SMU1: variants seen among roughly 807,000 people sequenced by gnomAD.
SMU1 encodes SMU1 DNA replication regulator and spliceosomal factor.
SMU1 carries 2 observed loss-of-function variants against 62.0 expected under a neutral mutation model. The observed-to-expected ratio is 0.03, with a 90% CI of 0.01 to 0.10. The LOEUF (loss-of-function observed/expected upper bound fraction) is 0.10. SMU1 is among the 10% of genes least tolerant of loss of function. The pLI is 1.00. For synonymous variants in SMU1, 188 were observed against 212.4 expected, an observed-to-expected ratio of 0.89 and a Z score of 1.00; for missense variants, 227 against 622.1, an observed-to-expected ratio of 0.36 and a Z score of 6.76.
At chr9:33,053,559 A>G (rs553620138) in intron 9 of SMU1, among the ~76,000 whole-genome samples, 1 of 152,330 alleles carries the variant, frequency 6.6e-6, no homozygotes, top group South Asian at 2.1e-4. Context: ...GTATTTGCAT[A>G]TAACCTATGC....
Position 33,076,668 on chromosome 9 carries a change from C to T in SMU1, c.-60G>A. 7 of 1,611,802 alleles carry T rather than the reference C, an allele frequency of 4.3e-6. No individual in the cohort carries two copies. Among genetic ancestry groups the T allele is most frequent in the South Asian group, 3.3e-5 (3 of 91,064 alleles). ...CCTCAAGGCCAGTCGCGCAACACAC[C>T]AACGACACCTCCGGCGGACACCTAA... is the stretch of plus-strand genomic sequence containing the variant. On this transcript the variant is annotated 5_prime_UTR_variant, in exon 1 of 12. Coordinates refer to ENST00000397149, the MANE Select transcript of SMU1 (RefSeq NM_018225.3).
At chr9:33,069,780 A>G (rs1839466280) in intron 3 of SMU1, among the ~76,000 whole-genome samples, 1 of 151,010 alleles carries the variant, frequency 6.6e-6, no homozygotes, top group Admixed American at 6.6e-5. Context: ...CCAGCCGGGG[A>G]GACAACAGCA....
chr9:33,050,767 A>G (rs931298688), intron 10 of SMU1, among the ~76,000 whole-genome samples: 9 of 151,512 alleles, frequency 5.9e-5, no homozygotes, highest in African/African-American at 2.2e-4. Flanking sequence ...CGGAGGTTGC[A>G]GTGAGCTGAG....
chr9:33,050,840 G>GCTATCAAACCAT, intron 10 of SMU1, among the ~76,000 whole-genome samples: 1 of 60,270 alleles, frequency 1.7e-5, no homozygotes, highest in Non-Finnish European at 4.0e-5. Flanking sequence ...AAAAAAATAA[G>GCTATCAAACCAT]GCCGGGCGCG....
chr9:33,046,458 T>C lies in SMU1; in HGVS notation c.*835A>G, dbSNP rs1839185348. ...TCCCAGGAATTCACTTCTGCTGTAC[T>C]TGAGATTCAGGGATAATAATGTGAC... On this transcript the variant is annotated 3_prime_UTR_variant, in exon 12 of 12. Transcript: ENST00000397149. 1 of 152,122 alleles carries C rather than the reference T, an allele frequency of 6.6e-6. No individual in the cohort carries two copies. The highest frequency in any genetic ancestry group is 1.5e-5 in the Non-Finnish European group (1 of 68,028). 9.4% of individuals were successfully genotyped at this position (152,122 alleles called of 1,614,324 possible).
chr9:33,060,708 A>C, intron 5 of SMU1, 124 bp from the exon 6 acceptor site: 7 of 1,183,922 alleles, frequency 5.9e-6, no homozygotes, highest in Non-Finnish European at 7.1e-6. Context: ...ATTATAGAGT[A>C]TTGGAGGGGT....
intron 8 of SMU1, among the ~76,000 whole-genome samples, chr9:33,056,597 CTG>C (rs2119431100): frequency 6.6e-6 from 1 of 152,262 alleles, no homozygotes; most frequent in Non-Finnish European, 1.5e-5. Flanking sequence ...AGACCATACT[CTG>C]AGAAACATGA....
intron 5 of SMU1, 28 bp from the exon 6 acceptor site, chr9:33,060,612 T>C: frequency 6.2e-7 from 1 of 1,603,718 alleles, no homozygotes; most frequent in Non-Finnish European, 8.5e-7. Context: ...ATGAAACAGA[T>C]GCATTTTTAT....
chr9:33,071,897 A>C lies in SMU1; in HGVS notation c.238-5T>G. 1 of 1,517,354 alleles carries C rather than the reference A, an allele frequency of 6.6e-7. No individual in the cohort carries two copies. The highest frequency in any genetic ancestry group is 8.8e-7 in the Non-Finnish European group (1 of 1,138,420). The allele number at this position is 1,517,354 out of a possible 1,614,324, so 94.0% of individuals were successfully genotyped here. A position where few individuals can be genotyped will look rare whatever the true frequency, so the allele number is the denominator to read the frequency against. On this transcript the variant is annotated splice_region_variant and splice_polypyrimidine_tract_variant and intron_variant, in intron 2 of 11. Transcript: ENST00000397149. ...CTCTATCAATTCCAGAACAACCTGG[A>C]CAATTAAAAAAAAACAAAAAAAACC... is the stretch of plus-strand genomic sequence containing the variant.
At chr9:33,069,166 C>T (rs1301137739) in intron 3 of SMU1, among the ~76,000 whole-genome samples, 2 of 152,158 alleles carry the variant, frequency 1.3e-5, no homozygotes, top group Non-Finnish European at 2.9e-5. Context: ...CCAATCCACA[C>T]TATTATTATT....
rs553633051 is a variant in SMU1, at chr9:33,063,287, G to T, written c.502-1110C>A. ...TGAGGCAGGAAAATTGCTTGAACCC[G>T]GGACGCAGAGGTTGCAGTGAGCCAA... On this transcript the variant is annotated intron_variant, in intron 4 of 11. Transcript: ENST00000397149. Among the ~76,000 whole-genome samples, 4 of 152,152 alleles carry T rather than the reference G, an allele frequency of 2.6e-5. No individual in the cohort carries two copies. The East Asian group carries it at 7.7e-4, about 29-fold the overall frequency.
intron 6 of SMU1, among the ~76,000 whole-genome samples, chr9:33,059,042 A>G (rs940139964): frequency 6.6e-6 from 1 of 152,174 alleles, no homozygotes; most frequent in African/African-American, 2.4e-5. Flanking sequence ...TCACATAGAA[A>G]AAGATGTTTA....
intron 8 of SMU1, 82 bp downstream of exon 8, chr9:33,056,755 A>T (rs149956356): frequency 1.3e-5 from 19 of 1,442,638 alleles, no homozygotes; most frequent in Non-Finnish European, 1.6e-5. Flanking sequence ...TCATGGTAAA[A>T]GCGTAAGGAA....
At chr9:33,070,638 A>C (rs1839475589) in intron 3 of SMU1, among the ~76,000 whole-genome samples, 1 of 152,248 alleles carries the variant, frequency 6.6e-6, no homozygotes, top group African/African-American at 2.4e-5. Context: ...ATAAGTGACC[A>C]TTAACAGATA....
At chr9:33,064,749 T>TC (rs1171381829) in intron 4 of SMU1, among the ~76,000 whole-genome samples, 1 of 151,716 alleles carries the variant, frequency 6.6e-6, no homozygotes, top group African/African-American at 2.4e-5. Flanking sequence ...TTTCTTTTTT[T>TC]TTTTTTTAAT....
chr9:33,048,830 G>A (rs2119419421), intron 10 of SMU1, among the ~76,000 whole-genome samples: 1 of 152,282 alleles, frequency 6.6e-6, no homozygotes, highest in East Asian at 1.9e-4. Flanking sequence ...GGTTGCCAAG[G>A]GTTAGGGCTT....
At chr9:33,061,380 T>C (rs1053254888) in intron 5 of SMU1, among the ~76,000 whole-genome samples, 2 of 152,176 alleles carry the variant, frequency 1.3e-5, no homozygotes, top group Non-Finnish European at 2.9e-5. Context: ...AGTTAGAATA[T>C]ATAATCCAGA....
intron 10 of SMU1, 127 bp downstream of exon 10, chr9:33,052,996 T>C (rs1420276675): frequency 2.6e-6 from 2 of 767,410 alleles, no homozygotes; most frequent in Non-Finnish European, 4.3e-6. Flanking sequence ...GAAAAACAAA[T>C]ACAGCTTAAA....
chr9:33,066,626 T>C (rs1587711590), intron 4 of SMU1, among the ~76,000 whole-genome samples: 1 of 150,530 alleles, frequency 6.6e-6, no homozygotes, highest in African/African-American at 2.4e-5. Context: ...GCCAACATGG[T>C]GAAACCCCGT....
Sources: gnomAD v4.1 joint callset for allele counts (sites outside exome capture counted in the v4.1 genomes callset) on GRCh38, gnomAD v4.1.1 for gene constraint, MANE v1.5 for transcripts, NCBI Gene and HGNC (gene_info 2026-07-23, HGNC 2026-07-21) for gene names.